The following CNGB1 variants were observed in gnomAD, a reference collection of about 807,000 sequenced individuals.
CNGB1 encodes cyclic nucleotide gated channel subunit beta 1.
Under a neutral mutation model 151.7 loss-of-function variants are expected in CNGB1, and 126 were observed. The observed-to-expected ratio is 0.83, with a 90% CI of 0.72 to 0.96. The LOEUF (loss-of-function observed/expected upper bound fraction) is 0.96. CNGB1 is among the 40% of genes least tolerant of loss of function. The pLI is 0.00. For missense variants in CNGB1, 1,698 were observed against 1,627.0 expected, an observed-to-expected ratio of 1.04 and a Z score of -0.75; for synonymous variants, 623 against 635.1, an observed-to-expected ratio of 0.98 and a Z score of 0.29.
intron 27 of CNGB1, among the ~76,000 whole-genome samples, chr16:57,902,813 A>G (rs1960426613): frequency 6.9e-6 from 1 of 145,300 alleles, no homozygotes; most frequent in South Asian, 2.2e-4. Flanking sequence ...GGGTTTCACC[A>G]TGTTGGCCAG....
chr16:57,907,248 C>T (rs1350226028), intron 25 of CNGB1, among the ~76,000 whole-genome samples: 1 of 152,176 alleles, frequency 6.6e-6, no homozygotes, highest in African/African-American at 2.4e-5. Flanking sequence ...CCCTGAGCTG[C>T]CCAGTGACGG....
chr16:57,901,723 C>T (rs1960398499), intron 27 of CNGB1, 98 bp from the exon 28 acceptor site: 1 of 930,618 alleles, frequency 1.1e-6, no homozygotes, highest in African/African-American at 1.6e-5. Context: ...CCAGGGCACA[C>T]CATTGCCCTG....
Position 57,923,342 on chromosome 16 carries a change from A to G in CNGB1, c.1574T>C (p.Leu525Pro). The change falls in exon 18 of 33, where the codon CTC becomes CCC. Residue 525 changes from leucine to proline, a missense_variant. Leu to Pro is a moderately conservative substitution (Grantham distance 98). Coordinates refer to ENST00000251102, the MANE Select transcript of CNGB1 (RefSeq NM_001297.5). ...GGACTCTGCTGGTGACAACGCCTTGAGCTCTTCAGCCTCATCATCCTCAGA... is the reference window on the plus strand; with the variant it reads ...GGACTCTGCTGGTGACAACGCCTTGGGCTCTTCAGCCTCATCATCCTCAGA... ...LPSEDDEAEE[L>P]KALSPAESPV... 6.2e-7 allele frequency: 1 copy of G among 1,613,322 alleles called. No individual in the cohort carries two copies. The highest frequency in any genetic ancestry group is 8.5e-7 in the Non-Finnish European group (1 of 1,179,718).
At position 57,940,240 on chromosome 16, in the gene CNGB1, T is replaced by C; in HGVS notation, c.1203A>G (p.Ser401=). 1 of 1,566,892 alleles carries C rather than the reference T, an allele frequency of 6.4e-7. No individual in the cohort carries two copies. The part of the protein sequence containing the change: ...EEDGTRPQST[S]DQKLWEEVGE... ...TGCCTGGTGCTTCTCATACCTGATC[T>C]GAAGTGCTCTGGGGCCGGGTCCCGT... The change falls in exon 15 of 33, where the codon TCA becomes TCG. Residue 401 remains serine, a synonymous_variant. Transcript: ENST00000251102.
intron 24 of CNGB1, among the ~76,000 whole-genome samples, chr16:57,912,657 TGTG>T (rs1960753088): frequency 6.7e-6 from 1 of 150,196 alleles, no homozygotes; most frequent in Non-Finnish European, 1.5e-5. Context: ...TGTTGTGTGT[TGTG>T]TGTGTTTGTG....
At chr16:57,921,219 T>C (rs1313799029) in intron 18 of CNGB1, among the ~76,000 whole-genome samples, 3 of 88,400 alleles carry the variant, frequency 3.4e-5, no homozygotes, top group Non-Finnish European at 7.6e-5. Flanking sequence ...ATGAGGCTCT[T>C]TTTTTTTTTT....
intron 17 of CNGB1, among the ~76,000 whole-genome samples, chr16:57,929,444 A>G (rs1961281365): frequency 6.9e-6 from 1 of 144,850 alleles, no homozygotes; most frequent in Admixed American, 6.9e-5. Context: ...TGAGAGAGAG[A>G]GAGAGAGAGG....
intron 12 of CNGB1, chr16:57,955,482 C>G (rs1962061183): frequency 1.1e-6 from 1 of 891,144 alleles, no homozygotes; most frequent in African/African-American, 1.7e-5. Flanking sequence ...ACACATATCC[C>G]CCAGCCTCTC....
At chr16:57,951,747 C>T (rs1012364653) in intron 12 of CNGB1, among the ~76,000 whole-genome samples, 3 of 152,192 alleles carry the variant, frequency 2.0e-5, no homozygotes, top group Admixed American at 6.5e-5. Context: ...TATTTTCCCT[C>T]TTTTATGTTT....
At chr16:57,898,658 T>G (rs1960299939) in intron 29 of CNGB1, among the ~76,000 whole-genome samples, 1 of 152,218 alleles carries the variant, frequency 6.6e-6, no homozygotes, top group Non-Finnish European at 1.5e-5. Context: ...TCAAGTGATC[T>G]GCCTGCCTTA....
At chr16:57,966,402 A>C (rs367785834) in intron 2 of CNGB1, among the ~76,000 whole-genome samples, 5 of 152,324 alleles carry the variant, frequency 3.3e-5, no homozygotes, top group African/African-American at 1.2e-4. Context: ...TGAGCTGCTG[A>C]ATTAGTTGTC....
Position 57,884,174 on chromosome 16 carries a change from T to C in CNGB1, c.3746A>G (p.Lys1249Arg). 1.9e-6 allele frequency: 3 copies of C among 1,614,038 alleles called. No individual in the cohort carries two copies. The highest frequency in any genetic ancestry group is 2.5e-6 in the Non-Finnish European group (3 of 1,179,916). ...CCGCCTCACCCCACCTTACTCCGCCTTCTCCTCCCTTTCCTCCGGCATCTT... is the reference window on the plus strand; with the variant it reads ...CCGCCTCACCCCACCTTACTCCGCCCTCTCCTCCCTTTCCTCCGGCATCTT... The part of the protein sequence containing the change: ...SVKMPEEREE[K>R]AE The change falls in exon 33 of 33, where the codon AAG becomes AGG. Residue 1249 changes from lysine to arginine, a missense_variant. Physicochemically the swap from Lys to Arg is conservative, Grantham distance 26. Coordinates refer to ENST00000251102, the MANE Select transcript of CNGB1 (RefSeq NM_001297.5).
chr16:57,937,084 C>T (rs979777530), intron 16 of CNGB1: 7 of 152,460 alleles, frequency 4.6e-5, no homozygotes, highest in Non-Finnish European at 7.3e-5. Context: ...TGGGCAAGAT[C>T]GTGCTACCTA....
intron 17 of CNGB1, among the ~76,000 whole-genome samples, chr16:57,926,208 G>A (rs1304180174): frequency 6.6e-6 from 1 of 152,168 alleles, no homozygotes; most frequent in Non-Finnish European, 1.5e-5. Context: ...CTGGGGCCCA[G>A]CCCAAACCTG....
chr16:57,902,066 TTTGTTGTTGTTG>T (rs370176455), intron 27 of CNGB1, among the ~76,000 whole-genome samples: 3 of 150,660 alleles, frequency 2.0e-5, no homozygotes, highest in African/African-American at 7.5e-5. Flanking sequence ...TATTTATGTT[TTTGTTGTTGTTG>T]TTGTTGTTGT....
chr16:57,946,906 C>T (rs576202575), intron 14 of CNGB1, among the ~76,000 whole-genome samples: 4 of 152,242 alleles, frequency 2.6e-5, no homozygotes, highest in South Asian at 2.1e-4. Context: ...AAGATGTTCA[C>T]GCCTGCAGCA....
chr16:57,960,702 G>T, intron 8 of CNGB1, 138 bp downstream of exon 8: 2 of 1,252,366 alleles, frequency 1.6e-6, no homozygotes, highest in Non-Finnish European at 2.3e-6. Context: ...CCCCATAGAG[G>T]ACTCTCCAAA....
chr16:57,953,627 A>G (rs1335408773), intron 12 of CNGB1, among the ~76,000 whole-genome samples: 1 of 152,042 alleles, frequency 6.6e-6, no homozygotes, highest in African/African-American at 2.4e-5. Context: ...GTCTCTGTCA[A>G]AGCCTGAGCC....
At chr16:57,934,182 C>T (rs1403735526) in intron 16 of CNGB1, among the ~76,000 whole-genome samples, 4 of 152,138 alleles carry the variant, frequency 2.6e-5, no homozygotes, top group Admixed American at 2.0e-4. Context: ...GGGCCAGGCA[C>T]AGTTGCTCAT....
Sources: allele counts gnomAD v4.1 joint callset (sites outside exome capture counted in the v4.1 genomes callset), GRCh38; gene constraint gnomAD v4.1.1; transcripts MANE v1.5; gene names NCBI Gene and HGNC (gene_info 2026-07-23, HGNC 2026-07-21).